Variants in WDR7 observed in about 807,000 individuals in gnomAD.
WDR7 encodes the protein WD repeat-containing protein 7.
WDR7 carries 46 observed loss-of-function variants against 169.4 expected under a neutral mutation model. The ratio of observed to expected loss-of-function variants is 0.27; its 90% confidence interval spans 0.21 to 0.35. WDR7 has a LOEUF of 0.35. Among genes scored for constraint, WDR7 ranks in the 10% least tolerant of loss-of-function variants. The probability of loss-of-function intolerance (pLI) is 1.00; values close to 1 mark genes in which losing one functional copy is unlikely to be tolerated. For synonymous variants in WDR7, 612 were observed against 666.8 expected (o/e 0.92, Z 1.27); for missense variants, 1,534 against 1,859.3 (o/e 0.83, Z 3.22).
intron 26 of WDR7, among the ~76,000 whole-genome samples, chr18:56,971,196 T>C (rs28373698): frequency 0.089 from 13,331 of 150,130 alleles, 1,844 homozygotes; most frequent in African/African-American, 0.3. Context: ...CACTTGAACC[T>C]GGGAGGCGGA....
At chr18:56,800,066 A>G (rs184280685) in intron 19 of WDR7, among the ~76,000 whole-genome samples, 22 of 151,976 alleles carry the variant, frequency 1.4e-4, no homozygotes, top group Admixed American at 3.9e-4. Context: ...TTAAAAATGA[A>G]AGTTTATATT....
chr18:56,993,556 A>G (rs558177308), intron 26 of WDR7, among the ~76,000 whole-genome samples: 7 of 152,310 alleles, frequency 4.6e-5, no homozygotes, highest in South Asian at 2.1e-4. Context: ...ATTTGTATCA[A>G]AAGAAATGCA....
chr18:57,027,553 C>G lies in WDR7; in HGVS notation c.*346C>G. The G allele has an allele frequency of 3.2e-6, 1 of 313,276 alleles. No individual in the cohort carries two copies. Among genetic ancestry groups the G allele is most frequent in the Non-Finnish European group, 6.0e-6 (1 of 167,358 alleles). 19.4% of individuals were successfully genotyped at this position (313,276 alleles called of 1,614,324 possible). ...AATCAATAAACACTGTGATTGCACTCCCAGCCCAGATCAGCATTTTTAGCC... is the reference window on the plus strand; with the variant it reads ...AATCAATAAACACTGTGATTGCACTGCCAGCCCAGATCAGCATTTTTAGCC... On this transcript the variant is annotated 3_prime_UTR_variant, in exon 28 of 28. Transcript: ENST00000254442.
chr18:56,907,048 G>A (rs1040689304), intron 21 of WDR7, among the ~76,000 whole-genome samples: 6 of 152,074 alleles, frequency 3.9e-5, no homozygotes, highest in Non-Finnish European at 7.4e-5. Context: ...CCTCTGGGCC[G>A]GATTATCTGT....
At chr18:56,713,566 AGTT>A (rs1035044285) in intron 12 of WDR7, among the ~76,000 whole-genome samples, 2 of 152,154 alleles carry the variant, frequency 1.3e-5, no homozygotes, top group South Asian at 2.1e-4. Flanking sequence ...CACATTTTTT[AGTT>A]GTTGTATTAT....
chr18:56,850,871 T>C (rs1021644891), intron 20 of WDR7, among the ~76,000 whole-genome samples: 27 of 152,186 alleles, frequency 1.8e-4, no homozygotes, highest in South Asian at 6.2e-4. Flanking sequence ...TCTCTTGTTC[T>C]AGGATACCAC....
rs1313989447 is a variant in WDR7 at position 56,881,566 on chromosome 18, G to A, written c.3526+1401G>A. Among the ~76,000 whole-genome samples, 7 of 152,174 alleles carry A rather than the reference G, an allele frequency of 4.6e-5. No homozygotes were observed. In the East Asian group the frequency reaches 1.2e-3, roughly 25 times the overall value. On this transcript the variant is annotated intron_variant, in intron 21 of 27. Transcript: ENST00000254442. Reference sequence around the variant, plus strand: ...CTATTCAGTGGCTCCCAGTTGGAAAGGGCTTAATGACTAATATGTGCTGTA... The same window carrying A: ...CTATTCAGTGGCTCCCAGTTGGAAAAGGCTTAATGACTAATATGTGCTGTA...
intron 21 of WDR7, among the ~76,000 whole-genome samples, chr18:56,882,517 A>AT (rs1278154034): frequency 2.6e-5 from 4 of 152,242 alleles, no homozygotes; most frequent in Admixed American, 6.5e-5. Context: ...TCAGTAGAAT[A>AT]TTTAACTATT....
chr18:56,663,642 ATATACATATATATAT>A, intron 1 of WDR7, among the ~76,000 whole-genome samples: 1 of 3,744 alleles, frequency 2.7e-4, no homozygotes, highest in African/African-American at 2.8e-4. Flanking sequence ...TGCACAGCAT[ATATACATATATATAT>A]GCACAGCATA....
In WDR7 at chr18:56,933,560, TATAAC is replaced by T. The variant is rs374243637; in HGVS notation, c.3714-2224_3714-2220del. 9.8e-5 allele frequency among the ~76,000 whole-genome samples: 15 copies of T among 152,358 alleles called. No homozygotes were observed. In the East Asian group the frequency reaches 2.7e-3, roughly 27 times the overall value. On this transcript the variant is annotated intron_variant, in intron 22 of 27. Transcript: ENST00000254442. ...AATAAAACAGCTGAAAGCTAAGTAT[TATAAC>T]ATATCACTAAAATCTTCTCTCAAAG... is the stretch of plus-strand genomic sequence containing the variant.
At chr18:56,945,337 C>T (rs1025930294) in intron 25 of WDR7, among the ~76,000 whole-genome samples, 5 of 152,138 alleles carry the variant, frequency 3.3e-5, no homozygotes, top group East Asian at 1.9e-4. Context: ...TTATGCAATT[C>T]GTGTCCAACT....
intron 20 of WDR7, 117 bp from the exon 21 acceptor site, chr18:56,879,827 T>A: frequency 1.3e-6 from 1 of 752,280 alleles, no homozygotes; most frequent in Non-Finnish European, 2.2e-6. Flanking sequence ...TTTGTCCTAG[T>A]GCCATTTGCT....
At chr18:56,931,309 A>T (rs2046881182) in intron 22 of WDR7, among the ~76,000 whole-genome samples, 1 of 152,248 alleles carries the variant, frequency 6.6e-6, no homozygotes, top group South Asian at 2.1e-4. Context: ...GTCCTTCTTC[A>T]TTCAGATAGA....
chr18:56,866,887 T>C (rs946258419), intron 20 of WDR7, among the ~76,000 whole-genome samples: 1 of 152,206 alleles, frequency 6.6e-6, no homozygotes, highest in Non-Finnish European at 1.5e-5. Flanking sequence ...AAAAGACAAA[T>C]ATTTAAGGTG....
At chr18:56,825,542 A>G (rs560813810) in intron 20 of WDR7, among the ~76,000 whole-genome samples, 46 of 152,336 alleles carry the variant, frequency 3.0e-4, no homozygotes, top group African/African-American at 1.1e-3. Context: ...CTTGCCACAT[A>G]AAAGCCACAG....
intron 21 of WDR7, among the ~76,000 whole-genome samples, chr18:56,893,217 A>G (rs1186045471): frequency 2.0e-5 from 3 of 151,382 alleles, no homozygotes; most frequent in Middle Eastern, 3.2e-3. Context: ...GCATTAGGAC[A>G]TTGTGGTTCC....
At chr18:56,916,789 TGTA>T (rs2046633752) in intron 21 of WDR7, among the ~76,000 whole-genome samples, 2 of 152,150 alleles carry the variant, frequency 1.3e-5, no homozygotes, top group Admixed American at 6.6e-5. Flanking sequence ...ATAAAATAAT[TGTA>T]GTGATTAAAA....
intron 13 of WDR7, among the ~76,000 whole-genome samples, chr18:56,719,750 A>T (rs1375148237): frequency 5.9e-5 from 9 of 152,212 alleles, no homozygotes; most frequent in Non-Finnish European, 1.2e-4. Context: ...AGTTTGAACT[A>T]GCTAGGATGG....
intron 21 of WDR7, among the ~76,000 whole-genome samples, chr18:56,898,931 G>A (rs991312574): frequency 6.6e-6 from 1 of 152,034 alleles, no homozygotes; most frequent in Admixed American, 6.6e-5. Context: ...TGAAATCTCT[G>A]TATTTATGCA....
Sources: allele counts gnomAD v4.1 joint callset (sites outside exome capture counted in the v4.1 genomes callset), GRCh38; gene constraint gnomAD v4.1.1; transcripts MANE v1.5; gene names NCBI Gene and HGNC (gene_info 2026-07-23, HGNC 2026-07-21).